Variants in TTC28 observed in about 807,000 individuals in gnomAD.
TTC28 encodes tetratricopeptide repeat protein 28.
TTC28 carries 61 observed loss-of-function variants against 198.0 expected under a neutral mutation model. The observed-to-expected ratio is 0.31, with a 90% CI of 0.25 to 0.38. The LOEUF (loss-of-function observed/expected upper bound fraction) is 0.38. Ranked by LOEUF, TTC28 falls within the 10% of genes least tolerant of loss-of-function variation. The pLI, the probability that TTC28 is intolerant of heterozygous loss-of-function variation, is 1.00. For synonymous variants in TTC28, 1,171 were observed against 1,297.8 expected, an observed-to-expected ratio of 0.90 and a Z score of 2.10; for missense variants, 2,678 against 3,164.0, an observed-to-expected ratio of 0.85 and a Z score of 3.69.
At chr22:28,504,498 G>T (rs896426114) in intron 2 of TTC28, among the ~76,000 whole-genome samples, 1 of 151,920 alleles carries the variant, frequency 6.6e-6, no homozygotes, top group Non-Finnish European at 1.5e-5. Flanking sequence ...TTCCTCTATT[G>T]TATTATAATG....
At chr22:28,589,825 G>T (rs933249967) in intron 2 of TTC28, among the ~76,000 whole-genome samples, 2 of 151,836 alleles carry the variant, frequency 1.3e-5, no homozygotes, top group African/African-American at 4.8e-5. Flanking sequence ...AGATCACGAG[G>T]TCAGGAGTTC....
chr22:28,162,460 T>G (rs1300615157), intron 6 of TTC28, among the ~76,000 whole-genome samples: 1 of 152,200 alleles, frequency 6.6e-6, no homozygotes, highest in Non-Finnish European at 1.5e-5. Context: ...TCTCTTTCAT[T>G]TAAACCAAAC....
intron 2 of TTC28, among the ~76,000 whole-genome samples, chr22:28,537,637 T>C (rs1267357724): frequency 6.6e-6 from 1 of 152,182 alleles, no homozygotes; most frequent in Non-Finnish European, 1.5e-5. Flanking sequence ...ATTGAAATTT[T>C]GTACATGTTT....
At chr22:28,416,718 A>G (rs1319155662) in intron 2 of TTC28, among the ~76,000 whole-genome samples, 1 of 152,226 alleles carries the variant, frequency 6.6e-6, no homozygotes, top group Non-Finnish European at 1.5e-5. Flanking sequence ...CATTCGGGAA[A>G]GCATAGCACA....
chr22:28,155,278 T>C (rs1007283716), intron 6 of TTC28, among the ~76,000 whole-genome samples: 2 of 152,230 alleles, frequency 1.3e-5, no homozygotes, highest in African/African-American at 4.8e-5. Flanking sequence ...GGCATGACCA[T>C]CTTCCAATTA....
chr22:27,983,855 A>G lies in TTC28; in HGVS notation c.5816-4T>C. On this transcript the variant is annotated splice_polypyrimidine_tract_variant and splice_region_variant and intron_variant, in intron 22 of 22. Transcript: ENST00000397906. ...CGCTTGGGTAGCTCAGTAGAATCTA[A>G]GCACAAAACACAAGGGCCCCAAGGA... The G allele has an allele frequency of 1.3e-6, 2 of 1,543,694 alleles. No individual in the cohort carries two copies. The highest frequency in any genetic ancestry group is 1.7e-6 in the Non-Finnish European group (2 of 1,144,902).
intron 5 of TTC28, among the ~76,000 whole-genome samples, chr22:28,286,822 A>T (rs1280757245): frequency 1.3e-5 from 2 of 152,138 alleles, no homozygotes; most frequent in Non-Finnish European, 1.5e-5. Context: ...ACAAAACCTA[A>T]GGATAAAATT....
At chr22:28,295,252 T>C (rs992988305) in intron 5 of TTC28, among the ~76,000 whole-genome samples, 1 of 152,148 alleles carries the variant, frequency 6.6e-6, no homozygotes, top group African/African-American at 2.4e-5. Flanking sequence ...TAATTAATCT[T>C]TATAAGGTCC....
Position 27,981,370 on chromosome 22 carries a change from T to C in TTC28, c.*851A>G, listed in dbSNP as rs1001128739. The C allele has an allele frequency of 6.6e-6, 1 of 151,440 alleles. No homozygotes were observed. Among genetic ancestry groups the C allele is most frequent in the African/African-American group, 2.4e-5 (1 of 41,178 alleles). 9.4% of individuals were successfully genotyped at this position (151,440 alleles called of 1,614,324 possible). A position where few individuals can be genotyped will look rare whatever the true frequency, so the allele number is the denominator to read the frequency against. On this transcript the variant is annotated 3_prime_UTR_variant, in exon 23 of 23. Coordinates refer to ENST00000397906, the MANE Select transcript of TTC28 (RefSeq NM_001145418.2). ...ACATTTTAAAAAACTTTTTGAGCTT[T>C]TAAAAATAATAGCTATAAATGCAAA...
chr22:28,640,454 C>G (rs2051346290), intron 1 of TTC28, among the ~76,000 whole-genome samples: 1 of 151,648 alleles, frequency 6.6e-6, no homozygotes, highest in Non-Finnish European at 1.5e-5. Flanking sequence ...TTTTCTAAAA[C>G]TGATAAGAGA....
intron 13 of TTC28, among the ~76,000 whole-genome samples, chr22:28,027,022 C>T (rs1032731937): frequency 3.9e-5 from 6 of 152,166 alleles, no homozygotes; most frequent in African/African-American, 1.2e-4. Context: ...TGTTCTTCTT[C>T]GTCTTTTCTA....
At chr22:28,329,902 C>G (rs143923098) in intron 2 of TTC28, among the ~76,000 whole-genome samples, 247 of 152,288 alleles carry the variant, frequency 1.6e-3, no homozygotes, top group African/African-American at 5.5e-3. Context: ...GAGAACAAAT[C>G]TCTCTTCTCC....
intron 2 of TTC28, among the ~76,000 whole-genome samples, chr22:28,371,509 C>CAAAAAAAAAAAAAA (rs1229801209): frequency 0.024 from 149 of 6,098 alleles, 49 homozygotes; most frequent in East Asian, 0.091. Flanking sequence ...GACCCTGTCT[C>CAAAAAAAAAAAAAA]AAAAAAAAAA....
At chr22:28,041,875 A>G (rs1939652622) in intron 12 of TTC28, among the ~76,000 whole-genome samples, 1 of 152,178 alleles carries the variant, frequency 6.6e-6, no homozygotes. Context: ...AAGAACTCAA[A>G]CAAATTTACA....
intron 2 of TTC28, among the ~76,000 whole-genome samples, chr22:28,627,755 T>C (rs2051100192): frequency 6.6e-6 from 1 of 151,680 alleles, no homozygotes; most frequent in African/African-American, 2.4e-5. Context: ...TTCTCAACAA[T>C]TTTTGTTTCA....
intron 5 of TTC28, among the ~76,000 whole-genome samples, chr22:28,217,476 TCTC>T (rs1206110743): frequency 6.6e-6 from 1 of 152,210 alleles, no homozygotes; most frequent in Non-Finnish European, 1.5e-5. Flanking sequence ...CTGTATATAA[TCTC>T]CTAATATCAG....
At chr22:28,311,608 G>A (rs2045258007) in intron 2 of TTC28, among the ~76,000 whole-genome samples, 1 of 151,932 alleles carries the variant, frequency 6.6e-6, no homozygotes, top group Admixed American at 6.6e-5. Context: ...AATCACATCA[G>A]AGTAAATGGG....
intron 1 of TTC28, among the ~76,000 whole-genome samples, chr22:28,656,440 C>T (rs2051655097): frequency 6.6e-6 from 1 of 152,190 alleles, no homozygotes; most frequent in Non-Finnish European, 1.5e-5. Flanking sequence ...ATCTTTACCA[C>T]CCACCACTCG....
intron 2 of TTC28, among the ~76,000 whole-genome samples, chr22:28,621,351 G>A (rs2050991606): frequency 6.6e-6 from 1 of 152,054 alleles, no homozygotes; most frequent in Non-Finnish European, 1.5e-5. Flanking sequence ...ATAAGAACCT[G>A]AACTATAATA....
Sources: allele counts gnomAD v4.1 joint callset (sites outside exome capture counted in the v4.1 genomes callset), GRCh38; gene constraint gnomAD v4.1.1; transcripts MANE v1.5; gene names NCBI Gene and HGNC (gene_info 2026-07-23, HGNC 2026-07-21).